PTPRT: variants seen among roughly 807,000 people sequenced by gnomAD.
PTPRT encodes the protein receptor-type tyrosine-protein phosphatase T.
Under a neutral mutation model 176.8 loss-of-function variants are expected in PTPRT, and 56 were observed. The observed-to-expected ratio is 0.32, with a 90% CI of 0.26 to 0.40. PTPRT has a LOEUF of 0.40. PTPRT is among the 10% of genes least tolerant of loss of function. PTPRT has a pLI of 1.00. For synonymous variants in PTPRT, 783 were observed against 739.0 expected (o/e 1.06, Z -0.96); for missense variants, 1,540 against 1,908.2 (o/e 0.81, Z 3.60).
intron 19 of PTPRT, among the ~76,000 whole-genome samples, chr20:42,125,824 G>T (rs1398883652): frequency 2.0e-5 from 3 of 152,134 alleles, no homozygotes; most frequent in Non-Finnish European, 4.4e-5. Flanking sequence ...AATGACTTTT[G>T]TTGGGGGATT....
In PTPRT at chr20:42,984,967, G is replaced by A. The variant is rs138994410; in HGVS notation, c.89-99035C>T. 1.3e-3 allele frequency among the ~76,000 whole-genome samples: 194 copies of A among 152,320 alleles called. 2 individuals carry two copies. The South Asian group carries it at 0.019, about 15-fold the overall frequency. On this transcript the variant is annotated intron_variant, in intron 1 of 30. Coordinates refer to ENST00000373187, the MANE Select transcript of PTPRT (RefSeq NM_007050.6). ...AGGTGGCCTAAAGGGTGAATGTACT[G>A]GTAGAAGACAGTGGGGTAAGACAGC...
intron 1 of PTPRT, among the ~76,000 whole-genome samples, chr20:43,047,155 C>T (rs1389078301): frequency 2.6e-5 from 4 of 152,032 alleles, no homozygotes; most frequent in Admixed American, 1.3e-4. Flanking sequence ...CCCCCATCCT[C>T]CTCCATGCCT....
intron 9 of PTPRT, among the ~76,000 whole-genome samples, chr20:42,411,699 A>G (rs2059020586): frequency 6.6e-6 from 1 of 152,164 alleles, no homozygotes; most frequent in South Asian, 2.1e-4. Flanking sequence ...GAAGCACTTA[A>G]TGCCAATAAA....
In PTPRT at chr20:42,656,379, T is replaced by A. The variant is rs2075125470; in HGVS notation, c.1153+21487A>T. Among the ~76,000 whole-genome samples, 2 of 152,138 alleles carry A rather than the reference T, an allele frequency of 1.3e-5. 1 individual carries two copies. The highest frequency in any genetic ancestry group is 2.9e-5 in the Non-Finnish European group (2 of 68,030). ...CAGTAAGGGAGAGAATGGATTCCGC[T>A]CCAAATAGGGGGTTGAGACTTACAA... On this transcript the variant is annotated intron_variant, in intron 7 of 30. Coordinates refer to ENST00000373187, the MANE Select transcript of PTPRT (RefSeq NM_007050.6).
At chr20:42,543,331 A>G (rs545591053) in intron 7 of PTPRT, among the ~76,000 whole-genome samples, 3 of 152,328 alleles carry the variant, frequency 2.0e-5, no homozygotes, top group African/African-American at 7.2e-5. Flanking sequence ...CAGTGTTTAC[A>G]GCATCTTCAT....
At position 42,986,802 on chromosome 20, in the gene PTPRT, CCCGA is replaced by C. The variant is rs545264626; in HGVS notation, c.89-100874_89-100871del. On this transcript the variant is annotated intron_variant, in intron 1 of 30. Transcript: ENST00000373187. The stretch of plus-strand genomic sequence containing the variant: ...GCATAAACAGTAAGCAGCCTCCACA[CCCGA>C]CTGTGAAGACACCGAACCACACCCA... Among the ~76,000 whole-genome samples, 6 of 152,288 alleles carry C rather than the reference CCCGA, an allele frequency of 3.9e-5. No individual in the cohort carries two copies. The South Asian group carries it at 6.2e-4, about 16-fold the overall frequency.
Position 42,073,883 on chromosome 20 carries a change from C to T in PTPRT, c.*6996G>A, listed in dbSNP as rs905545175. 1.3e-5 allele frequency: 3 copies of T among 229,046 alleles called. No homozygotes were observed. Among genetic ancestry groups the T allele is most frequent in the African/African-American group, 6.7e-5 (3 of 45,102 alleles). 14.2% of individuals were successfully genotyped at this position (229,046 alleles called of 1,614,324 possible). On this transcript the variant is annotated 3_prime_UTR_variant, in exon 31 of 31. Transcript: ENST00000373187. ...TGACCTGAAATCCATTTCACCAATG[C>T]TTCTCTTCCCTTTAAAGAGACACCT...
At chr20:43,160,406 G>C (rs895507226) in intron 1 of PTPRT, among the ~76,000 whole-genome samples, 1 of 152,194 alleles carries the variant, frequency 6.6e-6, no homozygotes, top group African/African-American at 2.4e-5. Context: ...TGCATCCAAA[G>C]AGGTGCTTGC....
At chr20:42,365,945 AT>A (rs2058508174) in intron 9 of PTPRT, among the ~76,000 whole-genome samples, 1 of 152,206 alleles carries the variant, frequency 6.6e-6, no homozygotes, top group African/African-American at 2.4e-5. Flanking sequence ...TTTCCAACAC[AT>A]TCCCTTCCAC....
chr20:42,111,569 C>CTAAT (rs1045361053), intron 22 of PTPRT, among the ~76,000 whole-genome samples: 6 of 149,772 alleles, frequency 4.0e-5, no homozygotes, highest in African/African-American at 1.5e-4. Context: ...TTGAAACAGA[C>CTAAT]TAATAGTGAA....
At chr20:42,879,010 C>T (rs2078974678) in intron 2 of PTPRT, among the ~76,000 whole-genome samples, 1 of 152,048 alleles carries the variant, frequency 6.6e-6, no homozygotes, top group African/African-American at 2.4e-5. Flanking sequence ...GCCCTGGCGA[C>T]CGAGCGAGAC....
At chr20:42,632,581 T>C (rs930292997) in intron 7 of PTPRT, among the ~76,000 whole-genome samples, 6 of 151,664 alleles carry the variant, frequency 4.0e-5, no homozygotes, top group African/African-American at 1.5e-4. Flanking sequence ...TCTTTTACTA[T>C]ATTATCTATA....
chr20:42,225,049 C>A (rs1367065827), intron 15 of PTPRT, among the ~76,000 whole-genome samples: 2 of 152,168 alleles, frequency 1.3e-5, no homozygotes, highest in African/African-American at 4.8e-5. Flanking sequence ...TAGTTCTAGC[C>A]AAAATCATTA....
chr20:42,842,701 T>C (rs2078299743), intron 2 of PTPRT, among the ~76,000 whole-genome samples: 1 of 152,196 alleles, frequency 6.6e-6, no homozygotes, highest in African/African-American at 2.4e-5. Context: ...ATTACAGGCA[T>C]GAGCCACTGA....
At chr20:42,719,935 G>T (rs16987294) in intron 6 of PTPRT, among the ~76,000 whole-genome samples, 4,176 of 152,302 alleles carry the variant, frequency 0.027, 222 homozygotes, top group African/African-American at 0.096. Flanking sequence ...AACGAAAGGG[G>T]TCATTCCTAC....
chr20:42,736,711 C>T (rs957014896), intron 6 of PTPRT, among the ~76,000 whole-genome samples: 5 of 152,090 alleles, frequency 3.3e-5, no homozygotes, highest in South Asian at 2.1e-4. Flanking sequence ...GAGAGAGACA[C>T]GGGGTACAAT....
chr20:42,422,090 C>T (rs1236475811), intron 9 of PTPRT, among the ~76,000 whole-genome samples: 1 of 152,150 alleles, frequency 6.6e-6, no homozygotes, highest in Non-Finnish European at 1.5e-5. Flanking sequence ...AAATCCAAAA[C>T]TATAAAAAAT....
intron 15 of PTPRT, among the ~76,000 whole-genome samples, chr20:42,232,813 C>CA (rs5841454): frequency 0.034 from 2,110 of 62,646 alleles, 22 homozygotes; most frequent in East Asian, 0.046. Flanking sequence ...CTCTGTTTTA[C>CA]AAAAAAAAAA....
intron 9 of PTPRT, among the ~76,000 whole-genome samples, chr20:42,416,628 G>C (rs1210252624): frequency 1.3e-5 from 2 of 152,160 alleles, no homozygotes; most frequent in Non-Finnish European, 2.9e-5. Context: ...GACTCTGGCT[G>C]TATCTGCTTT....
Sources: allele counts gnomAD v4.1 joint callset (sites outside exome capture counted in the v4.1 genomes callset), GRCh38; gene constraint gnomAD v4.1.1; transcripts MANE v1.5; gene names NCBI Gene and HGNC (gene_info 2026-07-23, HGNC 2026-07-21).